EDA: variants seen among roughly 807,000 people sequenced by gnomAD.
EDA encodes ectodysplasin-A.
EDA carries 2 observed loss-of-function variants against 23.6 expected under a neutral mutation model. The observed-to-expected ratio is 0.08, with a 90% CI of 0.03 to 0.27. The LOEUF is 0.27. Ranked by LOEUF, EDA falls within the 10% of genes least tolerant of loss-of-function variation. The probability of loss-of-function intolerance (pLI) is 1.00; values close to 1 mark genes in which losing one functional copy is unlikely to be tolerated. For synonymous variants in EDA, 131 were observed against 132.0 expected, an observed-to-expected ratio of 0.99 and a Z score of 0.05; for missense variants, 229 against 324.2, an observed-to-expected ratio of 0.71 and a Z score of 2.26.
chrX:69,819,529 C>T (rs983821291), intron 1 of EDA, among the ~76,000 whole-genome samples: 1 of 112,186 alleles, frequency 8.9e-6, no homozygotes, highest in African/African-American at 3.2e-5. Flanking sequence ...TCAATAATGT[C>T]TCTGGATATA....
intron 1 of EDA, among the ~76,000 whole-genome samples, chrX:69,953,797 T>C (rs905797308): frequency 8.9e-6 from 1 of 111,850 alleles, no homozygotes; most frequent in Admixed American, 9.5e-5. Context: ...TTCATACATA[T>C]GAAAAATTGT....
chrX:69,867,326 C>G (rs1449682672), intron 1 of EDA, among the ~76,000 whole-genome samples: 1 of 112,009 alleles, frequency 8.9e-6, no homozygotes, highest in African/African-American at 3.2e-5. Context: ...AACTCCTCCT[C>G]CACTGAGGTC....
intron 1 of EDA, among the ~76,000 whole-genome samples, chrX:69,655,115 G>T (rs1442505324): frequency 8.9e-6 from 1 of 111,878 alleles, no homozygotes; most frequent in Non-Finnish European, 1.9e-5. Context: ...AAAACAATAG[G>T]CTGGGCGCGG....
At chrX:69,634,754 A>G (rs1932731889) in intron 1 of EDA, among the ~76,000 whole-genome samples, 1 of 111,160 alleles carries the variant, frequency 9.0e-6, no homozygotes, top group Admixed American at 9.5e-5. Context: ...AAATGTTGTT[A>G]CAGTCATGTG....
At chrX:69,928,680 T>TA (rs1718669953) in intron 1 of EDA, among the ~76,000 whole-genome samples, 1 of 112,002 alleles carries the variant, frequency 8.9e-6, no homozygotes, top group African/African-American at 3.2e-5. Flanking sequence ...CTAAAAAAAG[T>TA]AAAATTTGAT....
intron 1 of EDA, among the ~76,000 whole-genome samples, chrX:69,709,065 G>C (rs1830279036): frequency 8.9e-6 from 1 of 112,158 alleles, no homozygotes; most frequent in Non-Finnish European, 1.9e-5. Flanking sequence ...AAGAAATGAA[G>C]TCTGAGATCA....
chrX:70,027,764 A>G, intron 3 of EDA, 93 bp from the exon 4 acceptor site: 2 of 499,668 alleles, frequency 4.0e-6, no homozygotes, highest in Non-Finnish European at 7.3e-6. Context: ...TGGAGGTTGC[A>G]GTGAGCCGAG....
At chrX:69,730,668 G>A (rs916175981) in intron 1 of EDA, among the ~76,000 whole-genome samples, 3 of 111,883 alleles carry the variant, frequency 2.7e-5, no homozygotes, top group African/African-American at 9.7e-5. Flanking sequence ...TTAGCCTTTT[G>A]TACCCAATAG....
intron 1 of EDA, among the ~76,000 whole-genome samples, chrX:69,935,808 A>T (rs1243545067): frequency 9.1e-6 from 1 of 109,761 alleles, no homozygotes; most frequent in African/African-American, 3.3e-5. Flanking sequence ...CTCTTTTGTC[A>T]ATATATGTAA....
intron 2 of EDA, among the ~76,000 whole-genome samples, chrX:69,968,338 G>A (rs1411337071): frequency 1.8e-5 from 2 of 111,875 alleles, no homozygotes; most frequent in Non-Finnish European, 3.8e-5. Context: ...TTTGGAAGGT[G>A]AATGGGACTT....
chrX:69,658,829 G>T (rs1933399625), intron 1 of EDA, among the ~76,000 whole-genome samples: 1 of 111,741 alleles, frequency 8.9e-6, no homozygotes, highest in Admixed American at 9.6e-5. Flanking sequence ...AAGCTGCGCA[G>T]ATCAACCTGT....
intron 2 of EDA, among the ~76,000 whole-genome samples, chrX:70,009,927 T>C (rs1420790986): frequency 8.9e-6 from 1 of 112,224 alleles, no homozygotes; most frequent in African/African-American, 3.2e-5. Context: ...TTGGGATTTT[T>C]CCAACTATCT....
chrX:69,843,793 C>T (rs1207410118), intron 1 of EDA, among the ~76,000 whole-genome samples: 1 of 111,124 alleles, frequency 9.0e-6, no homozygotes, highest in African/African-American at 3.3e-5. Context: ...GAGGCCGAGG[C>T]AGGTGGATCA....
chrX:69,715,736 C>T (rs774081248), intron 1 of EDA, among the ~76,000 whole-genome samples: 3 of 112,117 alleles, frequency 2.7e-5, no homozygotes, highest in Non-Finnish European at 5.6e-5. Context: ...GCAACCTCTC[C>T]AGCATCTGTT....
At chrX:70,025,839 G>A (rs1340727716) in intron 3 of EDA, among the ~76,000 whole-genome samples, 3 of 112,061 alleles carry the variant, frequency 2.7e-5, no homozygotes, top group Non-Finnish European at 3.8e-5. Flanking sequence ...AGGCTACAGG[G>A]ACTCTTCTGG....
chrX:70,019,141 G>GATAC (rs2147498188), intron 2 of EDA, among the ~76,000 whole-genome samples: 1 of 111,800 alleles, frequency 8.9e-6, no homozygotes, highest in African/African-American at 3.2e-5. Flanking sequence ...AACTAAATGA[G>GATAC]ATACCATCTC....
In EDA at chrX:69,682,402, G is replaced by A. The variant is rs754167245; in HGVS notation, c.396+65698G>A. 1.4e-4 allele frequency among the ~76,000 whole-genome samples: 16 copies of A among 112,488 alleles called. No individual in the cohort carries two copies. In the South Asian group the frequency reaches 3.3e-3, roughly 23 times the overall value. ...CACCTAAGCAAGCCTGGGCAATGGC[G>A]GGCGCCCCTCCCCCAGCCTCGCTGC... On this transcript the variant is annotated intron_variant, in intron 1 of 7. Transcript: ENST00000374552.
In EDA at chrX:70,038,717, A is replaced by G. The variant is rs1254638977; in HGVS notation, c.*3108A>G. The G allele has an allele frequency of 8.9e-6, 1 of 112,618 alleles. No individual in the cohort carries two copies. The highest frequency in any genetic ancestry group is 1.9e-5 in the Non-Finnish European group (1 of 53,272). The allele number at this position is 112,618 out of a possible 1,213,427, so 9.3% of individuals were successfully genotyped here. A position where few individuals can be genotyped will look rare whatever the true frequency, so the allele number is the denominator to read the frequency against. On this transcript the variant is annotated 3_prime_UTR_variant, in exon 8 of 8. Transcript: ENST00000374552. Reference sequence around the variant, plus strand: ...TGGAGGTAAACAAAGACTTTGATCCATGTATGAGTGTATGTGTTTATGTAA... The same window carrying G: ...TGGAGGTAAACAAAGACTTTGATCCGTGTATGAGTGTATGTGTTTATGTAA...
At chrX:69,743,848 C>A (rs2013535008) in intron 1 of EDA, among the ~76,000 whole-genome samples, 1 of 111,638 alleles carries the variant, frequency 9.0e-6, no homozygotes, top group Admixed American at 9.5e-5. Context: ...AAATGTATTT[C>A]ATTTCCATCT....
Sources: allele counts gnomAD v4.1 joint callset (sites outside exome capture counted in the v4.1 genomes callset), GRCh38; gene constraint gnomAD v4.1.1; transcripts MANE v1.5; gene names NCBI Gene and HGNC (gene_info 2026-07-23, HGNC 2026-07-21).